Variants in WNK3 observed in about 807,000 individuals in gnomAD.
The protein encoded by WNK3 is serine/threonine-protein kinase WNK3.
Under a neutral mutation model 116.7 loss-of-function variants are expected in WNK3, and 18 were observed. The observed-to-expected ratio is 0.15, with a 90% CI of 0.11 to 0.23. The LOEUF is 0.23. Among genes scored for constraint, WNK3 ranks in the 10% least tolerant of loss-of-function variants. WNK3 has a pLI of 1.00. For missense variants in WNK3, 993 were observed against 1,323.8 expected, an observed-to-expected ratio of 0.75 and a Z score of 3.88; for synonymous variants, 404 against 469.4, an observed-to-expected ratio of 0.86 and a Z score of 1.80.
chrX:54,311,757 T>G (rs2068889465), intron 2 of WNK3, among the ~76,000 whole-genome samples: 1 of 111,825 alleles, frequency 8.9e-6, no homozygotes, highest in African/African-American at 3.2e-5. Flanking sequence ...GAAATATTAG[T>G]TTATGAACCA....
intron 2 of WNK3, among the ~76,000 whole-genome samples, chrX:54,327,254 A>G (rs927842994): frequency 1.3e-4 from 15 of 111,749 alleles, no homozygotes; most frequent in Admixed American, 2.9e-4. Flanking sequence ...GTTAAGAATT[A>G]TTACACAATT....
intron 18 of WNK3, 142 bp from the exon 19 acceptor site, chrX:54,238,614 A>G: frequency 1.7e-6 from 1 of 601,898 alleles, no homozygotes; most frequent in Admixed American, 4.0e-5. Flanking sequence ...AATAAGCAAC[A>G]TTGTATTAAG....
At chrX:54,283,013 A>T (rs940054386) in intron 10 of WNK3, among the ~76,000 whole-genome samples, 4 of 112,605 alleles carry the variant, frequency 3.6e-5, no homozygotes, top group Non-Finnish European at 7.5e-5. Flanking sequence ...AAAGGACACC[A>T]TCAAGAAGGT....
At chrX:54,325,679 C>CA (rs57064020) in intron 2 of WNK3, among the ~76,000 whole-genome samples, 269 of 11,257 alleles carry the variant, frequency 0.024, 15 homozygotes, top group Non-Finnish European at 0.039. Flanking sequence ...AACTCCCTCT[C>CA]AAAAAAAAAA....
At chrX:54,224,188 A>G (rs1262056733) in intron 22 of WNK3, 1 of 111,536 alleles carries the variant, frequency 9.0e-6, no homozygotes, top group Non-Finnish European at 1.9e-5. Context: ...CCCCATCTCT[A>G]CTAGAAATAC....
intron 1 of WNK3, among the ~76,000 whole-genome samples, chrX:54,354,946 T>C (rs1557179150): frequency 9.1e-6 from 1 of 110,060 alleles, no homozygotes; most frequent in Non-Finnish European, 1.9e-5. Flanking sequence ...AAGCCAGGCA[T>C]GGTGCCACGT....
chrX:54,307,864 C>T lies in WNK3; in HGVS notation c.1089+58G>A, dbSNP rs1176926608. 4 of 1,071,514 alleles carry T rather than the reference C, an allele frequency of 3.7e-6. No individual in the cohort carries two copies. The African/African-American group carries it at 7.5e-5, about 20-fold the overall frequency. The allele number at this position is 1,071,514 out of a possible 1,213,427, so 88.3% of individuals were successfully genotyped here. On this transcript the variant is annotated intron_variant, in intron 5 of 23. Coordinates refer to ENST00000354646, the Ensembl canonical transcript of WNK3. The stretch of plus-strand genomic sequence containing the variant: ...TTAGTTTTGAGTAAGTCAAACTTAA[C>T]TAATTTCAACATGAAACGTGGCAAC...
At chrX:54,193,028 G>A (rs1461892950) in exon 24 of WNK3, 1 of 108,651 alleles carries the variant, frequency 9.2e-6, no homozygotes, top group Non-Finnish European at 1.9e-5. Flanking sequence ...AAAAAAAAAA[G>A]GTTAATGTCA....
At chrX:54,264,214 T>C (rs782645498) in intron 10 of WNK3, among the ~76,000 whole-genome samples, 3 of 109,008 alleles carry the variant, frequency 2.8e-5, no homozygotes, top group African/African-American at 1.0e-4. Flanking sequence ...ATGACTGTAA[T>C]CCCAGTTACT....
chrX:54,198,727 A>T, intron 23 of WNK3, 74 bp from the exon 24 acceptor site: 1 of 798,414 alleles, frequency 1.3e-6, no homozygotes, highest in Non-Finnish European at 1.7e-6. Flanking sequence ...ATTCCTTCCT[A>T]TTCTTTTTTT....
intron 1 of WNK3, chrX:54,343,589 GAGA>G (rs1224398804): frequency 1.8e-5 from 2 of 111,220 alleles, no homozygotes; most frequent in Non-Finnish European, 3.8e-5. Context: ...GAATGATACA[GAGA>G]AGATTAGCAC....
Position 54,208,974 on chromosome X carries a change from G to A in WNK3, c.4871-6781C>T, listed in dbSNP as rs189253538. Among the ~76,000 whole-genome samples, 8 of 111,498 alleles carry A rather than the reference G, an allele frequency of 7.2e-5. No homozygotes were observed. In the East Asian group the frequency reaches 1.7e-3, roughly 24 times the overall value. On this transcript the variant is annotated intron_variant, in intron 22 of 23. Transcript: ENST00000354646. ...CTTAGTGACCATGGTTTTCACTGGG[G>A]GCTGGTCTCAGAGGCACGTACTAAA...
At chrX:54,233,182 TG>T (rs2067920959) in intron 20 of WNK3, among the ~76,000 whole-genome samples, 162 bp from the exon 21 acceptor site, 1 of 107,437 alleles carries the variant, frequency 9.3e-6, no homozygotes, top group Non-Finnish European at 1.9e-5. Flanking sequence ...CCCAGCACTT[TG>T]GGAAGCCGAG....
chrX:54,339,470 T>C (rs188347281), intron 1 of WNK3, among the ~76,000 whole-genome samples: 5 of 110,999 alleles, frequency 4.5e-5, no homozygotes, highest in African/African-American at 1.6e-4. Flanking sequence ...TTTAAAGAGA[T>C]TGAAATCATA....
chrX:54,307,883 T>C (rs1557168967), intron 5 of WNK3, 39 bp downstream of exon 5: 2 of 1,111,298 alleles, frequency 1.8e-6, no homozygotes, highest in African/African-American at 3.6e-5. Flanking sequence ...ACATGAAACG[T>C]GGCAACTGAT....
chrX:54,248,337 CT>C (rs1201076528), intron 17 of WNK3, among the ~76,000 whole-genome samples: 10 of 107,085 alleles, frequency 9.3e-5, no homozygotes, highest in East Asian at 5.8e-4. Flanking sequence ...AAAACCATAA[CT>C]TTTTTTTTTA....
chrX:54,213,565 C>CAA (rs782750356), intron 22 of WNK3, among the ~76,000 whole-genome samples: 8 of 25,333 alleles, frequency 3.2e-4, no homozygotes, highest in Non-Finnish European at 6.9e-4. Flanking sequence ...AAAAAAAAAA[C>CAA]AAACAAAAAA....
chrX:54,232,182 C>G (rs2067909665), intron 21 of WNK3, among the ~76,000 whole-genome samples: 1 of 107,249 alleles, frequency 9.3e-6, no homozygotes, highest in Non-Finnish European at 1.9e-5. Context: ...GCACTTGTCG[C>G]CCAGGCTGGA....
chrX:54,303,607 T>G (rs1207146184), intron 5 of WNK3, among the ~76,000 whole-genome samples: 3 of 111,340 alleles, frequency 2.7e-5, no homozygotes, highest in African/African-American at 9.8e-5. Flanking sequence ...GTTCCTAAAA[T>G]GTAGAAGCTT....
Sources: gnomAD v4.1 joint callset for allele counts (sites outside exome capture counted in the v4.1 genomes callset) on GRCh38, gnomAD v4.1.1 for gene constraint, MANE v1.5 for transcripts, NCBI Gene and HGNC (gene_info 2026-07-23, HGNC 2026-07-21) for gene names.